The following CREB5 variants were observed in gnomAD, a reference collection of about 807,000 sequenced individuals.
CREB5 encodes the protein cyclic AMP-responsive element-binding protein 5.
In CREB5, 19 loss-of-function variants were observed where a neutral mutation model predicts 57.1. The ratio of observed to expected loss-of-function variants is 0.33; its 90% CI spans 0.23 to 0.49. The LOEUF is 0.49. Among genes scored for constraint, CREB5 ranks in the 20% least tolerant of loss-of-function variants. The probability of loss-of-function intolerance (pLI) is 0.99; values close to 1 mark genes in which losing one functional copy is unlikely to be tolerated. For missense variants in CREB5, 579 were observed against 671.6 expected (o/e 0.86, Z 1.52); for synonymous variants, 238 against 238.3 (o/e 1.00, Z 0.01).
At chr7:28,488,866 G>C (rs1376664778) in intron 2 of CREB5, among the ~76,000 whole-genome samples, 1 of 152,172 alleles carries the variant, frequency 6.6e-6, no homozygotes, top group East Asian at 1.9e-4. Flanking sequence ...GTTTAACATA[G>C]GGTCTGCACA....
At chr7:28,596,216 C>T (rs1796688058) in intron 5 of CREB5, among the ~76,000 whole-genome samples, 1 of 152,148 alleles carries the variant, frequency 6.6e-6, no homozygotes, top group Non-Finnish European at 1.5e-5. Context: ...ATGACGAGTA[C>T]TCTCCCAAAT....
chr7:28,554,525 G>T (rs1281928796), intron 4 of CREB5, among the ~76,000 whole-genome samples: 2 of 152,100 alleles, frequency 1.3e-5, no homozygotes, highest in African/African-American at 4.8e-5. Flanking sequence ...GGCTTCCTCT[G>T]TGTTAATAAT....
chr7:28,603,458 T>C (rs553600582), intron 5 of CREB5, among the ~76,000 whole-genome samples: 1 of 152,292 alleles, frequency 6.6e-6, no homozygotes, highest in East Asian at 1.9e-4. Flanking sequence ...TCTGAATCTT[T>C]GTTCCATGTC....
intron 4 of CREB5, among the ~76,000 whole-genome samples, chr7:28,551,951 TTC>T (rs1562791305): frequency 7.0e-6 from 1 of 141,918 alleles, no homozygotes; most frequent in Non-Finnish European, 1.5e-5. Flanking sequence ...CTCTTTTTTA[TTC>T]TTTCTCTTTT....
exon 1 of CREB5, chr7:28,299,415 C>T (rs890421844): frequency 4.6e-5 from 7 of 152,304 alleles, no homozygotes; most frequent in African/African-American, 7.2e-5. Flanking sequence ...CTCTGGCATT[C>T]GTCCCTGTTT....
intron 7 of CREB5, among the ~76,000 whole-genome samples, chr7:28,773,532 C>T (rs1282313837): frequency 1.3e-5 from 2 of 148,784 alleles, no homozygotes; most frequent in African/African-American, 2.5e-5. Flanking sequence ...GTGAGTCAGT[C>T]ATATGATGTC....
chr7:28,414,277 A>G (rs1787935519), intron 1 of CREB5, among the ~76,000 whole-genome samples: 1 of 97,464 alleles, frequency 1.0e-5, no homozygotes, highest in Admixed American at 1.3e-4. Context: ...TTTCTACAGC[A>G]ATTTAAGGTC....
chr7:28,755,076 G>T (rs571479201), intron 7 of CREB5, among the ~76,000 whole-genome samples: 1 of 152,260 alleles, frequency 6.6e-6, no homozygotes, highest in Admixed American at 6.5e-5. Flanking sequence ...TATCAGTACT[G>T]GGGATAAATG....
chr7:28,474,632 C>T (rs773600817), intron 1 of CREB5, among the ~76,000 whole-genome samples: 29 of 152,234 alleles, frequency 1.9e-4, no homozygotes, highest in Admixed American at 3.3e-4. Flanking sequence ...CTTAGAACTG[C>T]GTTTAAGGTC....
chr7:28,480,572 T>A (rs1044580158), intron 1 of CREB5, among the ~76,000 whole-genome samples: 2 of 152,372 alleles, frequency 1.3e-5, no homozygotes, highest in African/African-American at 4.8e-5. Flanking sequence ...CCAGTCAGCA[T>A]GTTTTCTGAG....
chr7:28,761,568 A>G (rs1421377527), intron 7 of CREB5, among the ~76,000 whole-genome samples: 1 of 152,204 alleles, frequency 6.6e-6, no homozygotes, highest in Non-Finnish European at 1.5e-5. Flanking sequence ...TCAAGCCTCA[A>G]TTAAAGATTT....
chr7:28,589,969 T>C (rs773223087), intron 5 of CREB5, among the ~76,000 whole-genome samples: 7 of 152,192 alleles, frequency 4.6e-5, no homozygotes, highest in Admixed American at 1.3e-4. Flanking sequence ...ACATTATATC[T>C]GGTGGTATGG....
chr7:28,353,335 T>G (rs879843849), intron 1 of CREB5, among the ~76,000 whole-genome samples: 12 of 152,102 alleles, frequency 7.9e-5, no homozygotes, highest in Non-Finnish European at 1.5e-4. Flanking sequence ...CAAAGTCCTG[T>G]CCTAGATCCC....
chr7:28,619,834 AC>A (rs1797728938), intron 5 of CREB5, among the ~76,000 whole-genome samples: 1 of 152,130 alleles, frequency 6.6e-6, no homozygotes, highest in African/African-American at 2.4e-5. Flanking sequence ...GAGCCAGACA[AC>A]CTGGATGTTG....
chr7:28,769,429 T>C (rs190893116), intron 7 of CREB5, among the ~76,000 whole-genome samples: 1 of 152,372 alleles, frequency 6.6e-6, no homozygotes, highest in East Asian at 1.9e-4. Context: ...ATTGTATACA[T>C]ATATTGACAT....
chr7:28,438,840 A>T (rs1375510078), intron 1 of CREB5, among the ~76,000 whole-genome samples: 1 of 152,208 alleles, frequency 6.6e-6, no homozygotes, highest in Non-Finnish European at 1.5e-5. Context: ...CATTACAACT[A>T]ATAAAATCGA....
In CREB5 at chr7:28,542,524, A is replaced by C. The variant is rs922907792; in HGVS notation, c.292-27841A>C. Among the ~76,000 whole-genome samples, 4 of 152,142 alleles carry C rather than the reference A, an allele frequency of 2.6e-5. No individual in the cohort carries two copies. The South Asian group carries it at 6.2e-4, about 24-fold the overall frequency. On this transcript the variant is annotated intron_variant, in intron 4 of 10. Transcript: ENST00000357727. The stretch of plus-strand genomic sequence containing the variant: ...TAAGAGACAGAGTGGAAAATGTAAC[A>C]CTTAGCACCTCAGACCAATCATCAG...
At chr7:28,345,996 A>G (rs1562667294) in intron 1 of CREB5, among the ~76,000 whole-genome samples, 1 of 152,148 alleles carries the variant, frequency 6.6e-6, no homozygotes, top group South Asian at 2.1e-4. Context: ...CAAGATTCAG[A>G]CACAGATACC....
chr7:28,536,808 A>T (rs946859075), intron 4 of CREB5, among the ~76,000 whole-genome samples: 20 of 152,336 alleles, frequency 1.3e-4, no homozygotes, highest in African/African-American at 4.6e-4. Context: ...ACCCTAAAAA[A>T]GTAGCTATTT....
Sources: gnomAD v4.1 joint callset for allele counts (sites outside exome capture counted in the v4.1 genomes callset) on GRCh38, gnomAD v4.1.1 for gene constraint, MANE v1.5 for transcripts, NCBI Gene and HGNC (gene_info 2026-07-23, HGNC 2026-07-21) for gene names.